Variants in HTR1F observed in about 807,000 individuals in gnomAD.
The protein encoded by HTR1F is 5-hydroxytryptamine (serotonin) receptor 1F, G protein-coupled.
Under a neutral mutation model 24.0 loss-of-function variants are expected in HTR1F, and 17 were observed. That is an observed-to-expected ratio of 0.71 (90% confidence interval 0.48 to 1.06). The LOEUF (loss-of-function observed/expected upper bound fraction) is 1.06. HTR1F is among the 50% of genes least tolerant of loss of function. The pLI is 0.00. For missense variants in HTR1F, 391 were observed against 427.8 expected (o/e 0.91, Z 0.76); for synonymous variants, 186 against 156.8 (o/e 1.19, Z -1.39).
chr3:87,961,994 A>G (rs1166837952), intron 2 of HTR1F, among the ~76,000 whole-genome samples: 1 of 152,100 alleles, frequency 6.6e-6, no homozygotes, highest in Non-Finnish European at 1.5e-5. Context: ...TGAAATTCAG[A>G]TTTAACTGAG....
At chr3:87,798,746 A>C (rs1703947026) in intron 1 of HTR1F, among the ~76,000 whole-genome samples, 1 of 152,178 alleles carries the variant, frequency 6.6e-6, no homozygotes, top group South Asian at 2.1e-4. Flanking sequence ...CTGATCACTG[A>C]AAACTCAGCT....
chr3:87,827,582 G>A, intron 2 of HTR1F, among the ~76,000 whole-genome samples: 1 of 152,132 alleles, frequency 6.6e-6, no homozygotes, highest in East Asian at 1.9e-4. Context: ...AGATTTCAAA[G>A]TTGAGAAATT....
At chr3:87,979,879 C>A (rs1308659506) in intron 2 of HTR1F, among the ~76,000 whole-genome samples, 1 of 152,244 alleles carries the variant, frequency 6.6e-6, no homozygotes. Context: ...CTGCAAGCAG[C>A]TTCTGCTGTG....
At chr3:87,850,870 G>T (rs1481496567) in intron 2 of HTR1F, among the ~76,000 whole-genome samples, 8 of 150,110 alleles carry the variant, frequency 5.3e-5, no homozygotes, top group Admixed American at 1.3e-4. Context: ...AACAGGTATT[G>T]CTCTCTTCTG....
At chr3:87,796,110 T>C (rs1703899772) in intron 1 of HTR1F, among the ~76,000 whole-genome samples, 1 of 152,198 alleles carries the variant, frequency 6.6e-6, no homozygotes, top group Non-Finnish European at 1.5e-5. Flanking sequence ...AAGAAGGCTG[T>C]CAGGCAGTCA....
At chr3:87,880,557 T>G (rs1193309397) in intron 2 of HTR1F, among the ~76,000 whole-genome samples, 2 of 152,126 alleles carry the variant, frequency 1.3e-5, no homozygotes, top group African/African-American at 4.8e-5. Flanking sequence ...TTTCAAAAAA[T>G]ATTTCTTCAA....
chr3:87,916,291 C>T (rs1369989404), intron 2 of HTR1F, among the ~76,000 whole-genome samples: 1 of 114,670 alleles, frequency 8.7e-6, no homozygotes, highest in Non-Finnish European at 1.9e-5. Flanking sequence ...AACAAAAATA[C>T]AGTTAAAAAG....
intron 2 of HTR1F, among the ~76,000 whole-genome samples, chr3:87,980,519 G>C (rs1705517481): frequency 6.6e-6 from 1 of 152,196 alleles, no homozygotes; most frequent in African/African-American, 2.4e-5. Context: ...AGCACCATAA[G>C]TTTTCATGCC....
intron 2 of HTR1F, among the ~76,000 whole-genome samples, chr3:87,833,197 G>C (rs1704618308): frequency 6.6e-6 from 1 of 152,064 alleles, no homozygotes; most frequent in Non-Finnish European, 1.5e-5. Flanking sequence ...GCTTCCTTTG[G>C]GAGGTGTTTC....
At chr3:87,851,100 T>C (rs1485945117) in intron 2 of HTR1F, among the ~76,000 whole-genome samples, 5 of 151,744 alleles carry the variant, frequency 3.3e-5, no homozygotes, top group Non-Finnish European at 7.4e-5. Flanking sequence ...GAAGTAAAAA[T>C]GTTAACAAGC....
chr3:87,904,479 G>T (rs1703613521), intron 2 of HTR1F, among the ~76,000 whole-genome samples: 1 of 151,924 alleles, frequency 6.6e-6, no homozygotes, highest in South Asian at 2.1e-4. Flanking sequence ...CAACCGAAGT[G>T]GCCATCAGTA....
chr3:87,881,007 A>G (rs1337517198), intron 2 of HTR1F, among the ~76,000 whole-genome samples: 4 of 152,180 alleles, frequency 2.6e-5, no homozygotes, highest in African/African-American at 9.7e-5. Flanking sequence ...TCCCAGTGTG[A>G]GCGACACAGA....
At chr3:87,928,617 C>T (rs1442831327) in intron 2 of HTR1F, among the ~76,000 whole-genome samples, 1 of 152,114 alleles carries the variant, frequency 6.6e-6, no homozygotes, top group African/African-American at 2.4e-5. Context: ...ATTATGTGAA[C>T]CATTACTATC....
intron 2 of HTR1F, among the ~76,000 whole-genome samples, chr3:87,894,498 T>A (rs542310644): frequency 2.6e-5 from 4 of 151,278 alleles, no homozygotes; most frequent in South Asian, 4.2e-4. Flanking sequence ...CCTCAAGTGA[T>A]CTGCCCAACT....
At chr3:87,852,570 A>C (rs975329042) in intron 2 of HTR1F, among the ~76,000 whole-genome samples, 2 of 151,650 alleles carry the variant, frequency 1.3e-5, no homozygotes, top group African/African-American at 4.9e-5. Context: ...TTCTGCAAGC[A>C]ATTTGTAGAT....
chr3:87,835,048 C>T (rs943228395), intron 2 of HTR1F, among the ~76,000 whole-genome samples: 3 of 152,082 alleles, frequency 2.0e-5, no homozygotes, highest in African/African-American at 4.8e-5. Flanking sequence ...CTGGAATTAT[C>T]GATAGGTGTT....
chr3:87,922,778 C>A lies in HTR1F; in HGVS notation c.-42-67930C>A, dbSNP rs1704038202. 4.0e-5 allele frequency among the ~76,000 whole-genome samples: 6 copies of A among 151,254 alleles called. No homozygotes were observed. The South Asian group carries it at 1.3e-3, about 32-fold the overall frequency. ...TTCCAGCAACATTTATTAAGACTGT[C>A]CCTTCCCCAGTGCATGTTCTTGGAG... is the stretch of plus-strand genomic sequence containing the variant. On this transcript the variant is annotated intron_variant, in intron 2 of 2. Transcript: ENST00000319595.
intron 2 of HTR1F, among the ~76,000 whole-genome samples, chr3:87,929,589 T>G (rs1193684650): frequency 6.6e-6 from 1 of 152,194 alleles, no homozygotes; most frequent in East Asian, 1.9e-4. Flanking sequence ...TTGTCAACTT[T>G]GTGGAAGATC....
At chr3:87,966,447 G>T (rs1480133943) in intron 2 of HTR1F, among the ~76,000 whole-genome samples, 1 of 152,146 alleles carries the variant, frequency 6.6e-6, no homozygotes. Context: ...GAAAATTGAT[G>T]GCTAAATGTG....
Sources: gnomAD v4.1 joint callset for allele counts (sites outside exome capture counted in the v4.1 genomes callset) on GRCh38, gnomAD v4.1.1 for gene constraint, MANE v1.5 for transcripts, NCBI Gene and HGNC (gene_info 2026-07-23, HGNC 2026-07-21) for gene names.